Variants in CCDC178 observed in about 807,000 individuals in gnomAD.
CCDC178 encodes coiled-coil domain containing 178, also known as coiled-coil domain-containing protein 178.
Under a neutral mutation model 117.4 loss-of-function variants are expected in CCDC178, and 126 were observed. The ratio of observed to expected loss-of-function variants is 1.07; its 90% CI spans 0.93 to 1.24. The LOEUF (loss-of-function observed/expected upper bound fraction) is 1.24. Among genes scored for constraint, CCDC178 ranks in the 50% most tolerant of loss-of-function variants. The pLI, the probability that CCDC178 is intolerant of heterozygous loss-of-function variation, is 0.00. For synonymous variants in CCDC178, 283 were observed against 313.4 expected, an observed-to-expected ratio of 0.90 and a Z score of 1.02; for missense variants, 1,030 against 986.9, an observed-to-expected ratio of 1.04 and a Z score of -0.59.
chr18:33,262,386 T>C (rs764425308), intron 14 of CCDC178, among the ~76,000 whole-genome samples: 2 of 151,870 alleles, frequency 1.3e-5, no homozygotes, highest in Admixed American at 6.6e-5. Context: ...CCTTCCTTTT[T>C]TTCATCTACA....
intron 6 of CCDC178, among the ~76,000 whole-genome samples, chr18:33,365,275 T>C (rs1599225727): frequency 6.6e-6 from 1 of 152,174 alleles, no homozygotes; most frequent in South Asian, 2.1e-4. Flanking sequence ...AGATATGAAG[T>C]GGTATAAAAA....
intron 12 of CCDC178, among the ~76,000 whole-genome samples, chr18:33,283,117 C>T (rs954043839): frequency 6.6e-6 from 1 of 152,120 alleles, no homozygotes; most frequent in African/African-American, 2.4e-5. Context: ...TGCTGCACCT[C>T]GGCATCCCCC....
intron 4 of CCDC178, among the ~76,000 whole-genome samples, chr18:33,392,329 C>T (rs1480725066): frequency 2.6e-5 from 4 of 152,218 alleles, no homozygotes; most frequent in Non-Finnish European, 4.4e-5. Flanking sequence ...TCCCTAATCA[C>T]TTCCTTCAAA....
intron 10 of CCDC178, among the ~76,000 whole-genome samples, chr18:33,326,165 T>C (rs1286178519): frequency 6.6e-6 from 1 of 152,154 alleles, no homozygotes; most frequent in Non-Finnish European, 1.5e-5. Flanking sequence ...GCTGGAGCTA[T>C]AGGGGACAGC....
At chr18:33,271,637 A>G (rs2059891483) in intron 12 of CCDC178, among the ~76,000 whole-genome samples, 1 of 151,600 alleles carries the variant, frequency 6.6e-6, no homozygotes, top group Admixed American at 6.6e-5. Flanking sequence ...AAACTGACAG[A>G]ACTAAAGAGA....
At chr18:33,248,852 A>G (rs1169171603) in intron 14 of CCDC178, among the ~76,000 whole-genome samples, 1 of 152,138 alleles carries the variant, frequency 6.6e-6, no homozygotes, top group East Asian at 1.9e-4. Flanking sequence ...ACTGTCTTCC[A>G]CAATGGTTGA....
At chr18:33,268,142 A>C (rs953437318) in intron 12 of CCDC178, among the ~76,000 whole-genome samples, 3 of 151,828 alleles carry the variant, frequency 2.0e-5, no homozygotes, top group African/African-American at 7.2e-5. Flanking sequence ...TTTGAACTGC[A>C]TTAAATGAAG....
chr18:33,248,022 T>G (rs2059571058), intron 14 of CCDC178, among the ~76,000 whole-genome samples: 1 of 151,786 alleles, frequency 6.6e-6, no homozygotes, highest in Non-Finnish European at 1.5e-5. Context: ...CAAAATCAAT[T>G]GTGAGTACTG....
intron 15 of CCDC178, among the ~76,000 whole-genome samples, chr18:33,235,884 A>T (rs1448828894): frequency 6.6e-6 from 1 of 152,178 alleles, no homozygotes; most frequent in Admixed American, 6.6e-5. Context: ...CCAATTGGCT[A>T]ATTTTATTCT....
At position 33,288,731 on chromosome 18, in the gene CCDC178, A is replaced by C. The variant is rs139778419; in HGVS notation, c.1176+4428T>G. Among the ~76,000 whole-genome samples, 49 of 152,300 alleles carry C rather than the reference A, an allele frequency of 3.2e-4. 1 individual carries two copies. The East Asian group carries it at 8.4e-3, about 26-fold the overall frequency. The stretch of plus-strand genomic sequence containing the variant: ...AGAAAGTTAAGAGATGGTTTCACCA[A>C]GGATTTTCTTCCTTCCAAGTTGAGA... On this transcript the variant is annotated intron_variant, in intron 12 of 22. Transcript: ENST00000383096.
rs2062546720 is a variant in CCDC178 at position 33,323,635 on chromosome 18, TAGAAATGAAAATATTTTTG to T, written c.880-21_880-3del. The T allele has an allele frequency of 6.8e-7, 1 of 1,470,286 alleles. No homozygotes were observed. The highest frequency in any genetic ancestry group is 1.5e-5 in the African/African-American group (1 of 68,806). 91.1% of individuals were successfully genotyped at this position (1,470,286 alleles called of 1,614,324 possible). On this transcript the variant is annotated splice_region_variant and splice_polypyrimidine_tract_variant and intron_variant, in intron 10 of 22. Transcript: ENST00000383096. ...AACTTTTCTGTGTAGGTCCATTACC[TAGAAATGAAAATATTTTTG>T]CTTATATTTGCACTTAATGGTTAAT...
At chr18:33,327,274 A>C (rs1234734188) in intron 10 of CCDC178, among the ~76,000 whole-genome samples, 1 of 152,160 alleles carries the variant, frequency 6.6e-6, no homozygotes, top group Non-Finnish European at 1.5e-5. Context: ...AGCATGTATC[A>C]GTACCTCATT....
At chr18:33,402,118 A>G (rs1313973607) in intron 3 of CCDC178, among the ~76,000 whole-genome samples, 2 of 152,174 alleles carry the variant, frequency 1.3e-5, no homozygotes, top group Non-Finnish European at 1.5e-5. Flanking sequence ...CCAAATTTCA[A>G]TTCTGAATAC....
Position 32,974,632 on chromosome 18 carries a change from T to C in CCDC178, c.2438A>G (p.Lys813Arg). The C allele has an allele frequency of 1.9e-6, 3 of 1,613,314 alleles. No homozygotes were observed. Among genetic ancestry groups the C allele is most frequent in the East Asian group, 2.2e-5 (1 of 44,850 alleles). Residue 813 changes from lysine (K) to arginine (R), a missense_variant, in exon 22 of 23, where the codon AAA becomes AGA. By Grantham distance (26) the Lys-to-Arg change is conservative. Transcript: ENST00000383096. ...RMHTLWQEHFKLVVLFSQMRL... is the reference protein window; with the variant it reads ...RMHTLWQEHFRLVVLFSQMRL... ...CATCTGGCTGAAGAGGACCACCAGT[T>C]TGAAGTGCTCCTGCCACAGTGTGTG... is the stretch of plus-strand genomic sequence containing the variant.
intron 20 of CCDC178, among the ~76,000 whole-genome samples, chr18:33,143,790 T>C (rs1012396989): frequency 1.3e-5 from 2 of 152,128 alleles, no homozygotes; most frequent in Non-Finnish European, 2.9e-5. Context: ...AGTATTAACA[T>C]GTTTATCAGA....
At chr18:33,022,704 C>T (rs1416804869) in intron 21 of CCDC178, among the ~76,000 whole-genome samples, 1 of 151,768 alleles carries the variant, frequency 6.6e-6, no homozygotes. Flanking sequence ...AGAAAGCAAA[C>T]AAAAAATAAG....
chr18:33,034,891 A>G (rs2056413784), intron 21 of CCDC178, among the ~76,000 whole-genome samples: 1 of 152,066 alleles, frequency 6.6e-6, no homozygotes, highest in East Asian at 1.9e-4. Context: ...CTCATTCAAT[A>G]CGTATTATTA....
intron 11 of CCDC178, among the ~76,000 whole-genome samples, chr18:33,316,257 G>A (rs553521535): frequency 2.6e-5 from 4 of 152,322 alleles, no homozygotes; most frequent in South Asian, 4.1e-4. Flanking sequence ...CCGGGGCTGC[G>A]CGCGGTGCTT....
At chr18:33,129,431 T>C (rs924915263) in intron 20 of CCDC178, among the ~76,000 whole-genome samples, 1 of 151,898 alleles carries the variant, frequency 6.6e-6, no homozygotes, top group Non-Finnish European at 1.5e-5. Context: ...AAAAGTAAAC[T>C]CCAGCACTGT....
Sources: gnomAD v4.1 joint callset for allele counts (sites outside exome capture counted in the v4.1 genomes callset) on GRCh38, gnomAD v4.1.1 for gene constraint, MANE v1.5 for transcripts, NCBI Gene and HGNC (gene_info 2026-07-23, HGNC 2026-07-21) for gene names.